Variants in WDPCP observed in about 807,000 individuals in gnomAD.
WDPCP encodes the protein WD repeat containing planar cell polarity effector, also known as WD repeat-containing and planar cell polarity effector protein fritz homolog.
WDPCP carries 71 observed loss-of-function variants against 93.1 expected under a neutral mutation model. That is an observed-to-expected ratio of 0.76 (90% CI 0.63 to 0.93). WDPCP has a LOEUF of 0.93. Ranked by LOEUF, WDPCP falls within the 40% of genes least tolerant of loss-of-function variation. WDPCP has a pLI of 0.00. For missense variants in WDPCP, 844 were observed against 887.4 expected (o/e 0.95, Z 0.62); for synonymous variants, 315 against 315.0 (o/e 1.00, Z 0.00).
chr2:63,770,185 T>C (rs1340278506), intron 2 of WDPCP, among the ~76,000 whole-genome samples: 1 of 151,962 alleles, frequency 6.6e-6, no homozygotes, highest in Non-Finnish European at 1.5e-5. Context: ...ATTGGAAACT[T>C]TTTGAGCTGA....
chr2:63,758,031 A>G (rs866072334), intron 2 of WDPCP, among the ~76,000 whole-genome samples: 2 of 152,174 alleles, frequency 1.3e-5, no homozygotes, highest in African/African-American at 4.8e-5. Context: ...AATTCATTGA[A>G]ATTATTTCCT....
chr2:63,473,011 G>C lies in WDPCP; in HGVS notation c.384+11593C>G, dbSNP rs1699780718. ...TATTTTCTGAAGCCTTAGACTTACA[G>C]ATCTGAGATTTACAGATGGAGAATT... On this transcript the variant is annotated intron_variant, in intron 6 of 17. Transcript: ENST00000272321. Among the ~76,000 whole-genome samples, 6 of 152,302 alleles carry C rather than the reference G, an allele frequency of 3.9e-5. No individual in the cohort carries two copies. The South Asian group carries it at 1.2e-3, about 32-fold the overall frequency.
chr2:63,521,293 A>T (rs1702912780), intron 1 of WDPCP, among the ~76,000 whole-genome samples: 1 of 152,214 alleles, frequency 6.6e-6, no homozygotes, highest in Non-Finnish European at 1.5e-5. Context: ...ACCCAATGAT[A>T]TGCTGTCTTC....
chr2:63,274,490 T>C (rs980200503), intron 13 of WDPCP, among the ~76,000 whole-genome samples: 1 of 151,834 alleles, frequency 6.6e-6, no homozygotes, highest in South Asian at 2.1e-4. Context: ...AGGACAGAAC[T>C]AAACAAGATA....
intron 13 of WDPCP, among the ~76,000 whole-genome samples, chr2:63,307,997 C>G (rs1052409557): frequency 4.0e-5 from 6 of 150,790 alleles, no homozygotes; most frequent in African/African-American, 9.7e-5. Flanking sequence ...GCTAATCTAC[C>G]AAGAACTTAA....
chr2:63,132,519 T>C (rs930205294), intron 17 of WDPCP, among the ~76,000 whole-genome samples: 2 of 150,184 alleles, frequency 1.3e-5, no homozygotes. Flanking sequence ...TGTTCACTTT[T>C]TTATTCTTTT....
chr2:63,662,839 A>G (rs1710240862), intron 2 of WDPCP, among the ~76,000 whole-genome samples: 1 of 152,228 alleles, frequency 6.6e-6, no homozygotes, highest in Non-Finnish European at 1.5e-5. Flanking sequence ...TTGTTCAGAA[A>G]GCCCAAACAG....
At position 63,751,514 on chromosome 2, in the gene WDPCP, T is replaced by C. The variant is rs556430776; in HGVS notation, n.308+62108A>G. Reference sequence around the variant, plus strand: ...GTTACACCTTTAGTCACAAATACAGTCCTCAAGTTTTTTGCCCATACACAT... The same window carrying C: ...GTTACACCTTTAGTCACAAATACAGCCCTCAAGTTTTTTGCCCATACACAT... On this transcript the variant is annotated intron_variant and non_coding_transcript_variant, in intron 2 of 4. Coordinates refer to the WDPCP transcript ENST00000467687. Among the ~76,000 whole-genome samples the C allele has an allele frequency of 4.6e-5, 7 of 152,318 alleles. 1 individual carries two copies. The South Asian group carries it at 1.4e-3, about 32-fold the overall frequency.
intron 14 of WDPCP, among the ~76,000 whole-genome samples, chr2:63,201,155 G>GCACCTT (rs1302536737): frequency 2.6e-5 from 4 of 152,048 alleles, no homozygotes; most frequent in East Asian, 3.9e-4. Context: ...AAAGTGTGTG[G>GCACCTT]CACCTTCACC....
Position 63,570,170 on chromosome 2 carries a change from A to G in WDPCP, c.75+18027T>C, listed in dbSNP as rs1006955988. ...TCCCATTAACTTGATGCAAATATTT[A>G]TAAATGTAAAAGTACAAAAACACCC... is the stretch of plus-strand genomic sequence containing the variant. On this transcript the variant is annotated intron_variant, in intron 1 of 17. Transcript: ENST00000272321. Among the ~76,000 whole-genome samples the G allele has an allele frequency of 2.0e-5, 3 of 152,254 alleles. No individual in the cohort carries two copies. The East Asian group carries it at 5.8e-4, about 29-fold the overall frequency.
chr2:63,386,888 G>C (rs545305770), intron 10 of WDPCP, among the ~76,000 whole-genome samples: 3 of 151,966 alleles, frequency 2.0e-5, no homozygotes, highest in Admixed American at 2.0e-4. Flanking sequence ...AGAAAACCTA[G>C]AAGATATGAA....
intron 1 of WDPCP, among the ~76,000 whole-genome samples, chr2:63,520,418 C>T (rs1702839528): frequency 6.6e-6 from 1 of 152,126 alleles, no homozygotes; most frequent in Middle Eastern, 3.4e-3. Flanking sequence ...AGAAGATCAT[C>T]CCAAAGACAA....
intron 3 of WDPCP, among the ~76,000 whole-genome samples, chr2:63,639,262 C>G (rs1358255560): frequency 6.6e-6 from 1 of 152,152 alleles, no homozygotes; most frequent in African/African-American, 2.4e-5. Flanking sequence ...CCTGCTTCAG[C>G]CTTTCAAGTA....
At chr2:63,595,441 T>C in intron 3 of WDPCP, 2 of 1,610,864 alleles carry the variant, frequency 1.2e-6, no homozygotes, top group South Asian at 2.2e-5. Flanking sequence ...TCTTGTGCTG[T>C]TGGATATCAC....
intron 2 of WDPCP, among the ~76,000 whole-genome samples, chr2:63,802,142 T>C (rs894005028): frequency 2.0e-5 from 3 of 151,844 alleles, no homozygotes; most frequent in Non-Finnish European, 2.9e-5. Flanking sequence ...ACTTGTATAT[T>C]CTAACATCAT....
intron 1 of WDPCP, among the ~76,000 whole-genome samples, chr2:63,823,808 T>C (rs1395188038): frequency 2.0e-5 from 3 of 152,178 alleles, no homozygotes; most frequent in South Asian, 2.1e-4. Context: ...ATGTGAACTG[T>C]AGAATGGATA....
intron 2 of WDPCP, among the ~76,000 whole-genome samples, chr2:63,739,094 A>T (rs1462354596): frequency 6.6e-6 from 1 of 152,080 alleles, no homozygotes; most frequent in Admixed American, 6.6e-5. Context: ...AGGTAAATAC[A>T]TTTCACAGGG....
At chr2:63,673,093 T>A (rs1710365469) in intron 2 of WDPCP, among the ~76,000 whole-genome samples, 1 of 152,160 alleles carries the variant, frequency 6.6e-6, no homozygotes, top group South Asian at 2.1e-4. Context: ...TTACAAGGAT[T>A]AAATATAATA....
chr2:63,138,975 T>A (rs1428512862), intron 17 of WDPCP, among the ~76,000 whole-genome samples: 2 of 152,182 alleles, frequency 1.3e-5, no homozygotes, highest in African/African-American at 4.8e-5. Context: ...CCTGAGTTAC[T>A]TCACGTAGAA....
Sources: gnomAD v4.1 joint callset for allele counts (sites outside exome capture counted in the v4.1 genomes callset) on GRCh38, gnomAD v4.1.1 for gene constraint, MANE v1.5 for transcripts, NCBI Gene and HGNC (gene_info 2026-07-23, HGNC 2026-07-21) for gene names.